Variants in GHR observed in about 807,000 individuals in gnomAD.
GHR encodes the protein GH receptor.
Under a neutral mutation model 67.1 loss-of-function variants are expected in GHR, and 35 were observed. That is an observed-to-expected ratio of 0.52 (90% CI 0.40 to 0.69). The LOEUF is 0.69. Among genes scored for constraint, GHR ranks in the 30% least tolerant of loss-of-function variants. The probability of loss-of-function intolerance (pLI) is 0.00; values close to 1 mark genes in which losing one functional copy is unlikely to be tolerated. For missense variants in GHR, 792 were observed against 764.6 expected (o/e 1.04, Z -0.42); for synonymous variants, 272 against 269.1 (o/e 1.01, Z -0.10).
chr5:42,515,954 T>C (rs1222294292), intron 1 of GHR, among the ~76,000 whole-genome samples: 1 of 152,222 alleles, frequency 6.6e-6, no homozygotes, highest in African/African-American at 2.4e-5. Flanking sequence ...TATTCCTAAT[T>C]TGTGAAACGA....
chr5:42,558,218 C>G (rs2112446437), intron 1 of GHR, among the ~76,000 whole-genome samples: 1 of 152,282 alleles, frequency 6.6e-6, no homozygotes, highest in East Asian at 1.9e-4. Context: ...TACAATCACA[C>G]CTAAGTCACC....
In GHR at chr5:42,454,280, G is replaced by A. The variant is rs55760663; in HGVS notation, c.-12+30325G>A. On this transcript the variant is annotated intron_variant, in intron 1 of 9. Coordinates refer to ENST00000230882, the MANE Select transcript of GHR (RefSeq NM_000163.5). ...GCTGGCTTTCTCAAATGCTAGTTAT[G>A]CTAGTATTGAAGTTGCCACGTGGAC... Among the ~76,000 whole-genome samples, 1,119 of 152,314 alleles carry A rather than the reference G, an allele frequency of 7.3e-3. 3 individuals are homozygous for A. Among genetic ancestry groups the A allele is most frequent in the Non-Finnish European group, 0.01 (681 of 68,028 alleles).
At chr5:42,681,008 C>G (rs1171832708) in intron 3 of GHR, among the ~76,000 whole-genome samples, 1 of 151,370 alleles carries the variant, frequency 6.6e-6, no homozygotes, top group Non-Finnish European at 1.5e-5. Flanking sequence ...CATAAAAACC[C>G]TAGAAGAAAA....
chr5:42,518,651 G>A (rs1000159150), intron 1 of GHR, among the ~76,000 whole-genome samples: 2 of 152,198 alleles, frequency 1.3e-5, no homozygotes, highest in Admixed American at 1.3e-4. Context: ...CTCTGCCTCA[G>A]TATGAGTGGA....
chr5:42,659,825 G>A (rs546364184), intron 3 of GHR, among the ~76,000 whole-genome samples: 68 of 152,250 alleles, frequency 4.5e-4, no homozygotes, highest in East Asian at 2.3e-3. Flanking sequence ...CTCAGGAAGC[G>A]CAAGGGGACA....
chr5:42,479,744 T>C (rs1428890663), intron 1 of GHR, among the ~76,000 whole-genome samples: 1 of 152,202 alleles, frequency 6.6e-6, no homozygotes, highest in Non-Finnish European at 1.5e-5. Context: ...CCCTTTATCA[T>C]TTTTTATTGC....
intron 1 of GHR, among the ~76,000 whole-genome samples, chr5:42,478,590 T>G (rs371096818): frequency 1.1e-4 from 16 of 152,182 alleles, no homozygotes; most frequent in Admixed American, 3.3e-4. Context: ...TCCTTGAAGA[T>G]GTCCTTCACA....
chr5:42,503,725 G>A lies in GHR; in HGVS notation c.-11-62139G>A, dbSNP rs77233760. Among the ~76,000 whole-genome samples, 960 of 152,234 alleles carry A rather than the reference G, an allele frequency of 6.3e-3. 12 individuals are homozygous for A. Among genetic ancestry groups the A allele is most frequent in the African/African-American group, 0.022 (925 of 41,542 alleles). ...AACAAAATAGGGTAAGGGGCTAGGT[G>A]GGGCAGGATCAGACCAAGGAATTTA... On this transcript the variant is annotated intron_variant, in intron 1 of 9. Transcript: ENST00000230882.
intron 4 of GHR, 121 bp downstream of exon 4, chr5:42,689,140 C>A: frequency 1.1e-6 from 1 of 913,000 alleles, no homozygotes; most frequent in Non-Finnish European, 1.8e-6. Flanking sequence ...AATGAATATT[C>A]ATTCACTCAT....
intron 2 of GHR, among the ~76,000 whole-genome samples, chr5:42,601,169 C>T (rs1314882941): frequency 1.3e-5 from 2 of 151,776 alleles, no homozygotes; most frequent in East Asian, 3.9e-4. Context: ...TGAGGTGATC[C>T]GCCCCGCTCA....
chr5:42,489,388 T>C (rs1185911817), intron 1 of GHR, among the ~76,000 whole-genome samples: 1 of 152,190 alleles, frequency 6.6e-6, no homozygotes, highest in East Asian at 1.9e-4. Context: ...GAAATTGAAA[T>C]GAAGAATCTC....
chr5:42,433,148 C>A (rs1048488075), intron 1 of GHR, among the ~76,000 whole-genome samples: 2 of 152,092 alleles, frequency 1.3e-5, no homozygotes, highest in African/African-American at 4.8e-5. Flanking sequence ...CACATTTTAT[C>A]TAGGACTTAG....
chr5:42,620,742 A>G (rs1753400002), intron 2 of GHR, among the ~76,000 whole-genome samples: 1 of 152,174 alleles, frequency 6.6e-6, no homozygotes, highest in African/African-American at 2.4e-5. Flanking sequence ...AGAACTGGGA[A>G]GAGAAGGTGG....
At chr5:42,656,634 C>T (rs1399509424) in intron 3 of GHR, among the ~76,000 whole-genome samples, 1 of 152,086 alleles carries the variant, frequency 6.6e-6, no homozygotes, top group Non-Finnish European at 1.5e-5. Context: ...TTCAAAGTTG[C>T]AGCAATTCAC....
chr5:42,565,334 C>A, intron 1 of GHR: 1 of 386,928 alleles, frequency 2.6e-6, no homozygotes, highest in Non-Finnish European at 3.5e-6. Flanking sequence ...TGCTTCCCTT[C>A]TAGTTAAACC....
At chr5:42,530,322 C>CA (rs1023619848) in intron 1 of GHR, among the ~76,000 whole-genome samples, 2 of 152,098 alleles carry the variant, frequency 1.3e-5, no homozygotes, top group Non-Finnish European at 2.9e-5. Context: ...CATTAACTGA[C>CA]AAAATCCAAG....
intron 3 of GHR, among the ~76,000 whole-genome samples, chr5:42,661,581 C>A (rs965032718): frequency 6.6e-6 from 1 of 152,150 alleles, no homozygotes; most frequent in Admixed American, 6.5e-5. Context: ...ACCAGGCCTG[C>A]CCTACAAGAG....
intron 2 of GHR, among the ~76,000 whole-genome samples, chr5:42,591,089 C>T (rs932766133): frequency 1.3e-5 from 2 of 152,192 alleles, no homozygotes; most frequent in Non-Finnish European, 2.9e-5. Flanking sequence ...TGAGCTGAAT[C>T]GTTTTTCGTT....
intron 2 of GHR, among the ~76,000 whole-genome samples, chr5:42,593,378 A>G (rs936410355): frequency 1.3e-5 from 2 of 152,200 alleles, no homozygotes; most frequent in African/African-American, 4.8e-5. Flanking sequence ...GTCTCTCAAA[A>G]GTTCTTATAT....
Sources: allele counts gnomAD v4.1 joint callset (sites outside exome capture counted in the v4.1 genomes callset), GRCh38; gene constraint gnomAD v4.1.1; transcripts MANE v1.5; gene names NCBI Gene and HGNC (gene_info 2026-07-23, HGNC 2026-07-21).